Variants in SLC25A26 observed in about 807,000 individuals in gnomAD.
SLC25A26 encodes mitochondrial S-adenosylmethionine carrier protein.
A neutral mutation model predicts 37.8 loss-of-function variants in SLC25A26; 36 were observed. The observed-to-expected ratio is 0.95, with a 90% CI of 0.73 to 1.26. SLC25A26 has a LOEUF of 1.26. SLC25A26 is among the 50% of genes most tolerant of loss of function. The pLI, the probability that SLC25A26 is intolerant of heterozygous loss-of-function variation, is 0.00. For synonymous variants in SLC25A26, 129 were observed against 122.5 expected (o/e 1.05, Z -0.35); for missense variants, 390 against 331.1 (o/e 1.18, Z -1.38).
chr3:66,173,308 A>C (rs2070527075), intron 1 of SLC25A26, among the ~76,000 whole-genome samples: 1 of 152,200 alleles, frequency 6.6e-6, no homozygotes, highest in Admixed American at 6.5e-5. Context: ...AGTTTAGGTC[A>C]GCTCTAATGG....
chr3:66,373,918 G>T (rs977365680), intron 9 of SLC25A26, among the ~76,000 whole-genome samples: 1 of 152,116 alleles, frequency 6.6e-6, no homozygotes, highest in African/African-American at 2.4e-5. Context: ...GGTGTTGGGA[G>T]AAAGGATGCA....
intron 6 of SLC25A26, among the ~76,000 whole-genome samples, chr3:66,353,756 G>C (rs559690815): frequency 1.3e-5 from 2 of 152,210 alleles, no homozygotes; most frequent in Non-Finnish European, 1.5e-5. Context: ...ACTTGAGTCA[G>C]TTCTCAGAGA....
chr3:66,190,535 T>A (rs1050338083), intron 1 of SLC25A26, among the ~76,000 whole-genome samples: 1 of 152,132 alleles, frequency 6.6e-6, no homozygotes, highest in Non-Finnish European at 1.5e-5. Context: ...TTCCAGTGAT[T>A]TTCCTGCCTC....
At chr3:66,222,672 T>G (rs1035046624) in intron 1 of SLC25A26, among the ~76,000 whole-genome samples, 1 of 152,210 alleles carries the variant, frequency 6.6e-6, no homozygotes, top group Non-Finnish European at 1.5e-5. Flanking sequence ...ATTAGATAAC[T>G]AGTTCAAAAT....
chr3:66,263,161 A>G (rs1455379199), intron 4 of SLC25A26, 171 bp from the exon 5 acceptor site: 1 of 153,176 alleles, frequency 6.5e-6, no homozygotes. Context: ...AAGTTATATA[A>G]GGTATAGTTA....
At chr3:66,240,099 T>C (rs890079312) in intron 2 of SLC25A26, among the ~76,000 whole-genome samples, 1 of 152,148 alleles carries the variant, frequency 6.6e-6, no homozygotes, top group African/African-American at 2.4e-5. Context: ...GAGAGATCCT[T>C]TTGCTCTGTG....
intron 1 of SLC25A26, among the ~76,000 whole-genome samples, chr3:66,139,022 C>T (rs1022016236): frequency 4.6e-5 from 7 of 151,744 alleles, no homozygotes; most frequent in Non-Finnish European, 1.0e-4. Flanking sequence ...AATTGCTGCC[C>T]CACCCCTCCT....
At chr3:66,315,795 C>T (rs1020993458) in intron 5 of SLC25A26, among the ~76,000 whole-genome samples, 1 of 152,124 alleles carries the variant, frequency 6.6e-6, no homozygotes. Flanking sequence ...TCTAGGTGCT[C>T]CTGTATTGGG....
rs2076251255 is a variant in SLC25A26 at position 66,343,344 on chromosome 3, T to C, written c.454-3020T>C. ...TTTTCACACAGGAATTTATGAGGGCTATTTCACTACTAGAAGTCAGAAGCA... is the reference window on the plus strand; with the variant it reads ...TTTTCACACAGGAATTTATGAGGGCCATTTCACTACTAGAAGTCAGAAGCA... On this transcript the variant is annotated intron_variant, in intron 5 of 9. Coordinates refer to ENST00000354883, the MANE Select transcript of SLC25A26 (RefSeq NM_001379210.1). 2.0e-5 allele frequency among the ~76,000 whole-genome samples: 3 copies of C among 152,262 alleles called. No individual in the cohort carries two copies. The South Asian group carries it at 6.2e-4, about 31-fold the overall frequency.
chr3:66,295,974 G>C (rs1322736185), intron 5 of SLC25A26, among the ~76,000 whole-genome samples: 1 of 151,924 alleles, frequency 6.6e-6, no homozygotes, highest in Non-Finnish European at 1.5e-5. Context: ...AAAATTAGCT[G>C]GGCATGGTGG....
chr3:66,222,602 T>C (rs146074857), intron 1 of SLC25A26, among the ~76,000 whole-genome samples: 162 of 150,296 alleles, frequency 1.1e-3, no homozygotes, highest in African/African-American at 3.8e-3. Flanking sequence ...CCCATTTAAT[T>C]CTCACAATAA....
At chr3:66,281,817 T>C (rs937797887) in intron 5 of SLC25A26, among the ~76,000 whole-genome samples, 12 of 145,314 alleles carry the variant, frequency 8.3e-5, no homozygotes, top group African/African-American at 3.0e-4. Flanking sequence ...ATTTCCCCGT[T>C]AGTCCTTTTT....
rs530508033 is a variant in SLC25A26 at position 66,133,771 on chromosome 3, C to G, written c.-567C>G. On this transcript the variant is annotated 5_prime_UTR_variant, in exon 1 of 11. Transcript: ENST00000676754. ...GAAATGGTAGCGGGATCTGAGAAAGCAAGGCCATGAGTTGAAAGCAGAGAG... is the reference window on the plus strand; with the variant it reads ...GAAATGGTAGCGGGATCTGAGAAAGGAAGGCCATGAGTTGAAAGCAGAGAG... 9.9e-5 allele frequency: 15 copies of G among 152,244 alleles called. No individual in the cohort carries two copies. In the South Asian group the frequency reaches 2.9e-3, roughly 29 times the overall value. The allele number at this position is 152,244 out of a possible 1,614,324, so 9.4% of individuals were successfully genotyped here.
At chr3:66,337,564 A>G (rs1487043411) in intron 5 of SLC25A26, among the ~76,000 whole-genome samples, 1 of 152,112 alleles carries the variant, frequency 6.6e-6, no homozygotes, top group Non-Finnish European at 1.5e-5. Context: ...TTTGGAACAC[A>G]TGCTAATGTT....
At chr3:66,134,792 G>A (rs531739307) in intron 1 of SLC25A26, among the ~76,000 whole-genome samples, 2 of 151,898 alleles carry the variant, frequency 1.3e-5, no homozygotes, top group South Asian at 2.1e-4. Flanking sequence ...TTCTTTGACA[G>A]TTGTCATCCT....
intron 6 of SLC25A26, among the ~76,000 whole-genome samples, chr3:66,350,947 TTGTC>T (rs2076440076): frequency 6.6e-6 from 1 of 152,086 alleles, no homozygotes; most frequent in Admixed American, 6.5e-5. Context: ...TACCACAGAT[TTGTC>T]TGTGTCACTG....
chr3:66,359,107 A>T (rs1054624748), intron 6 of SLC25A26, among the ~76,000 whole-genome samples: 11 of 152,128 alleles, frequency 7.2e-5, no homozygotes, highest in Admixed American at 2.0e-4. Context: ...TGGCCAGGTG[A>T]TAGTGGAAAG....
rs534854236 is a variant in SLC25A26, at chr3:66,175,937, A to G, written c.-354+41953A>G. ...TGGCCCTGCCAAGTTGACACATAAA[A>G]TTAATTATCACCCATACAGACATGG... On this transcript the variant is annotated intron_variant, in intron 1 of 10. Coordinates refer to the SLC25A26 transcript ENST00000676754. Among the ~76,000 whole-genome samples, 12 of 152,334 alleles carry G rather than the reference A, an allele frequency of 7.9e-5. No individual in the cohort carries two copies. The South Asian group carries it at 2.5e-3, about 32-fold the overall frequency.
intron 5 of SLC25A26, among the ~76,000 whole-genome samples, chr3:66,324,375 A>T (rs2075781215): frequency 6.6e-6 from 1 of 152,046 alleles, no homozygotes; most frequent in South Asian, 2.1e-4. Flanking sequence ...TATTGGTCTG[A>T]GTGATACCAG....
Sources: gnomAD v4.1 joint callset for allele counts (sites outside exome capture counted in the v4.1 genomes callset) on GRCh38, gnomAD v4.1.1 for gene constraint, MANE v1.5 for transcripts, NCBI Gene and HGNC (gene_info 2026-07-23, HGNC 2026-07-21) for gene names.